The following UBR3 variants were observed in gnomAD, a reference collection of about 807,000 sequenced individuals.
UBR3 encodes ubiquitin protein ligase E3 component n-recognin 3.
A neutral mutation model predicts 243.2 loss-of-function variants in UBR3; 85 were observed. The ratio of observed to expected loss-of-function variants is 0.35; its 90% confidence interval spans 0.29 to 0.42. The LOEUF (loss-of-function observed/expected upper bound fraction) is 0.42, where lower values mean the gene tolerates loss of function less well. UBR3 is among the 10% of genes least tolerant of loss of function. UBR3 has a pLI of 1.00. For synonymous variants in UBR3, 748 were observed against 799.8 expected (o/e 0.94, Z 1.09); for missense variants, 1,686 against 2,300.8 (o/e 0.73, Z 5.47).
chr2:170,034,217 A>G (rs928200143), intron 31 of UBR3, among the ~76,000 whole-genome samples: 1 of 151,818 alleles, frequency 6.6e-6, no homozygotes, highest in Non-Finnish European at 1.5e-5. Context: ...ATTAGGGTTC[A>G]CTCTTGCTGT....
At chr2:169,994,749 G>T (rs1342036108) in intron 26 of UBR3, among the ~76,000 whole-genome samples, 1 of 152,108 alleles carries the variant, frequency 6.6e-6, no homozygotes, top group Non-Finnish European at 1.5e-5. Context: ...ACATTGTTTT[G>T]TTATAATGTT....
Position 170,080,563 on chromosome 2 carries a change from G to A in UBR3, c.5428G>A (p.Ala1810Thr). 6.2e-7 allele frequency: 1 copy of A among 1,613,276 alleles called. No homozygotes were observed. Among genetic ancestry groups the A allele is most frequent in the Non-Finnish European group, 8.5e-7 (1 of 1,179,582 alleles). The change falls in exon 38 of 39, where the codon GCA becomes ACA. Residue 1810 changes from alanine to threonine, a missense_variant. Ala to Thr is a moderately conservative substitution (Grantham distance 58). Around this residue, in one of 8 missense-constraint regions of UBR3, gnomAD observed 89 missense variants for 183.3 expected, o/e 0.49. Transcript: ENST00000272793. ...ECVLHSQNCG[A>T]GTGIFLLINA... ...TTTTTAGCACTCTCAGAACTGTGGTGCAGGAACAGGTATTTTCCTTTTGAT... is the reference window on the plus strand; with the variant it reads ...TTTTTAGCACTCTCAGAACTGTGGTACAGGAACAGGTATTTTCCTTTTGAT...
chr2:170,070,380 ATTAG>A (rs2091671983), intron 35 of UBR3, among the ~76,000 whole-genome samples: 1 of 152,166 alleles, frequency 6.6e-6, no homozygotes, highest in Non-Finnish European at 1.5e-5. Flanking sequence ...ATCAAAAACT[ATTAG>A]CTAACATCAT....
chr2:169,878,375 A>AAAAG, intron 4 of UBR3, 150 bp from the exon 5 acceptor site: 1 of 721,116 alleles, frequency 1.4e-6, no homozygotes, highest in Non-Finnish European at 2.2e-6. Flanking sequence ...AAAAAAAAAA[A>AAAAG]AAGTTGGACT....
Position 169,901,268 on chromosome 2 carries a change from AT to A in UBR3, c.1466-3842del, listed in dbSNP as rs2084810076. ...TTCTGGAAATTCTTATACAAATTGA[AT>A]TTTCAACAAGCTGAAATAAAGATTG... On this transcript the variant is annotated intron_variant, in intron 8 of 38. Coordinates refer to ENST00000272793, the MANE Select transcript of UBR3 (RefSeq NM_172070.4). Among the ~76,000 whole-genome samples the A allele has an allele frequency of 2.0e-5, 3 of 152,250 alleles. No individual in the cohort carries two copies. In the South Asian group the frequency reaches 6.2e-4, roughly 32 times the overall value.
chr2:169,855,353 TA>T lies in UBR3; in HGVS notation c.546-16882del, dbSNP rs1316938511. Among the ~76,000 whole-genome samples the T allele has an allele frequency of 1.2e-4, 19 of 152,320 alleles. No individual in the cohort carries two copies. In the South Asian group the frequency reaches 1.9e-3, roughly 15 times the overall value. Reference sequence around the variant, plus strand: ...TTTTATTTTTTAATTTTTTAATTTTTATTTTTTTTAGTATTTATTGATCATT... The same window carrying T: ...TTTTATTTTTTAATTTTTTAATTTTTTTTTTTTTAGTATTTATTGATCATT... On this transcript the variant is annotated intron_variant, in intron 1 of 38. Coordinates refer to ENST00000272793, the MANE Select transcript of UBR3 (RefSeq NM_172070.4).
chr2:169,931,522 C>G (rs2086131037), intron 18 of UBR3, among the ~76,000 whole-genome samples: 1 of 151,920 alleles, frequency 6.6e-6, no homozygotes, highest in African/African-American at 2.4e-5. Context: ...GTGTCTTGTG[C>G]TAGAAGGTTG....
chr2:169,842,981 A>G (rs1431246812), intron 1 of UBR3, among the ~76,000 whole-genome samples: 2 of 152,184 alleles, frequency 1.3e-5, no homozygotes, highest in Non-Finnish European at 2.9e-5. Context: ...TTTGCTATCC[A>G]TATTTCTACC....
chr2:170,051,920 T>C (rs1257425911), intron 32 of UBR3, among the ~76,000 whole-genome samples: 1 of 152,200 alleles, frequency 6.6e-6, no homozygotes, highest in Non-Finnish European at 1.5e-5. Flanking sequence ...AATTGTTCTT[T>C]ATTTACTGTC....
At chr2:169,971,950 C>A (rs994913851) in intron 24 of UBR3, among the ~76,000 whole-genome samples, 1 of 152,026 alleles carries the variant, frequency 6.6e-6, no homozygotes, top group South Asian at 2.1e-4. Context: ...ACACAAAAAA[C>A]CCTTCAAAAA....
chr2:170,004,159 C>A (rs1249835245), intron 27 of UBR3, among the ~76,000 whole-genome samples: 1 of 151,992 alleles, frequency 6.6e-6, no homozygotes. Context: ...AAGGGAATTG[C>A]AGAAAAGTAA....
intron 11 of UBR3, among the ~76,000 whole-genome samples, chr2:169,914,747 C>G (rs1412715588): frequency 1.3e-5 from 2 of 152,156 alleles, no homozygotes; most frequent in African/African-American, 4.8e-5. Context: ...GACCATGTTT[C>G]AGACAGCTCA....
At chr2:169,910,901 TTTAGCTGCAG>T (rs1309624888) in intron 10 of UBR3, among the ~76,000 whole-genome samples, 3 of 152,176 alleles carry the variant, frequency 2.0e-5, no homozygotes, top group African/African-American at 7.2e-5. Context: ...TCCAAAGCTT[TTTAGCTGCAG>T]TGCTGTCAGG....
chr2:169,855,661 T>C (rs1034700461), intron 1 of UBR3, among the ~76,000 whole-genome samples: 7 of 152,204 alleles, frequency 4.6e-5, no homozygotes, highest in African/African-American at 1.7e-4. Context: ...GAGCACGGGG[T>C]TGGGGCAAGG....
intron 1 of UBR3, among the ~76,000 whole-genome samples, chr2:169,852,226 CCTTT>C (rs1334355831): frequency 6.6e-6 from 1 of 152,080 alleles, no homozygotes; most frequent in Non-Finnish European, 1.5e-5. Context: ...TGTTTTAAAC[CCTTT>C]CTTCACTAGC....
Position 169,872,417 on chromosome 2 carries a change from G to A in UBR3, c.685+42G>A. 3.0e-6 allele frequency: 4 copies of A among 1,337,500 alleles called. No homozygotes were observed. The African/African-American group carries it at 4.6e-5, about 15-fold the overall frequency. 82.9% of individuals were successfully genotyped at this position (1,337,500 alleles called of 1,614,324 possible). On this transcript the variant is annotated intron_variant, in intron 2 of 38. Coordinates refer to ENST00000272793, the MANE Select transcript of UBR3 (RefSeq NM_172070.4). ...TTCTTGTTAGTACTCTTTTTAAATT[G>A]TAAATTTACAAAGTTTTAGTATTAA... is the stretch of plus-strand genomic sequence containing the variant.
chr2:169,928,748 A>C lies in UBR3; in HGVS notation c.2446A>C (p.Lys816Gln). 1.3e-6 allele frequency: 2 copies of C among 1,492,218 alleles called. No homozygotes were observed. Among genetic ancestry groups the C allele is most frequent in the Non-Finnish European group, 1.8e-6 (2 of 1,105,444 alleles). 92.4% of individuals were successfully genotyped at this position (1,492,218 alleles called of 1,614,324 possible). Residue 816 changes from lysine (K) to glutamine (Q), a missense_variant, in exon 18 of 39, where the codon AAA becomes CAA. Coordinates refer to ENST00000272793, the MANE Select transcript of UBR3 (RefSeq NM_172070.4). ...TCATATTCCAGAAAATCCTAATCCC[A>C]AAAGTGGCATTATTCCAGGCAGTTA... The part of the protein sequence containing the change: ...LDLIPENPNP[K>Q]SGIIPGSYSF...
chr2:170,059,097 AG>A lies in UBR3; in HGVS notation c.4786-1981del, dbSNP rs1374631349. 3.9e-5 allele frequency among the ~76,000 whole-genome samples: 6 copies of A among 152,118 alleles called. No individual in the cohort carries two copies. The East Asian group carries it at 7.7e-4, about 20-fold the overall frequency. ...CAGAAATCATCTTTCTTAAGCTTCA[AG>A]AGCCTACTTTTTCGTTTATTCAAAG... On this transcript the variant is annotated intron_variant, in intron 33 of 38. Transcript: ENST00000272793.
intron 1 of UBR3, among the ~76,000 whole-genome samples, chr2:169,835,436 A>G (rs2082052725): frequency 6.6e-6 from 1 of 152,068 alleles, no homozygotes; most frequent in Non-Finnish European, 1.5e-5. Flanking sequence ...TAAAATATTC[A>G]TATTTTGTTT....
Sources: allele counts gnomAD v4.1 joint callset (sites outside exome capture counted in the v4.1 genomes callset), GRCh38; gene constraint gnomAD v4.1.1; regional missense constraint gnomAD v4.1.1; transcripts MANE v1.5; gene names NCBI Gene and HGNC (gene_info 2026-07-23, HGNC 2026-07-21).